The following TBC1D12 variants were observed in gnomAD, a reference collection of about 807,000 sequenced individuals.
TBC1D12 encodes the protein TBC1 domain family, member 12.
Under a neutral mutation model 86.7 loss-of-function variants are expected in TBC1D12, and 56 were observed. The ratio of observed to expected loss-of-function variants is 0.65; its 90% confidence interval spans 0.52 to 0.81. The LOEUF (loss-of-function observed/expected upper bound fraction) is 0.81. TBC1D12 is among the 30% of genes least tolerant of loss of function. The pLI is 0.00. For synonymous variants in TBC1D12, 421 were observed against 411.7 expected (o/e 1.02, Z -0.27); for missense variants, 1,023 against 1,038.8 (o/e 0.98, Z 0.21).
intron 4 of TBC1D12, among the ~76,000 whole-genome samples, chr10:94,496,533 G>T (rs988078994): frequency 2.6e-5 from 4 of 152,150 alleles, no homozygotes; most frequent in African/African-American, 9.7e-5. Context: ...GGAAAAATGG[G>T]TATTGGTTAG....
At chr10:94,425,721 T>C (rs976700470) in intron 1 of TBC1D12, among the ~76,000 whole-genome samples, 2 of 152,224 alleles carry the variant, frequency 1.3e-5, no homozygotes, top group African/African-American at 4.8e-5. Context: ...TAGAATCAAC[T>C]TGTTTTTATT....
intron 3 of TBC1D12, among the ~76,000 whole-genome samples, chr10:94,486,425 T>C (rs1037610058): frequency 5.3e-5 from 8 of 152,102 alleles, no homozygotes; most frequent in African/African-American, 1.9e-4. Flanking sequence ...TCTTTTTTGA[T>C]GTAGGCACCT....
At chr10:94,532,735 C>T (rs1420368800) in intron 12 of TBC1D12, among the ~76,000 whole-genome samples, 1 of 152,150 alleles carries the variant, frequency 6.6e-6, no homozygotes, top group African/African-American at 2.4e-5. Context: ...AGCAGTATCA[C>T]TCAATCCATG....
chr10:94,502,754 A>G (rs2056414715), intron 6 of TBC1D12, among the ~76,000 whole-genome samples: 1 of 152,238 alleles, frequency 6.6e-6, no homozygotes, highest in Non-Finnish European at 1.5e-5. Flanking sequence ...TGTTAATGCT[A>G]GACAATGGCA....
chr10:94,529,771 AG>A (rs1477342281), intron 11 of TBC1D12, among the ~76,000 whole-genome samples: 2 of 152,208 alleles, frequency 1.3e-5, no homozygotes, highest in Admixed American at 6.5e-5. Context: ...AGGAAAAAAA[AG>A]TCCTCCATTG....
chr10:94,445,737 C>T (rs1409178965), intron 2 of TBC1D12, among the ~76,000 whole-genome samples: 2 of 152,052 alleles, frequency 1.3e-5, no homozygotes, highest in Non-Finnish European at 2.9e-5. Context: ...CACCTGAGGT[C>T]AGGAGTTCGA....
At chr10:94,480,271 A>T (rs1271305308) in intron 3 of TBC1D12, among the ~76,000 whole-genome samples, 1 of 152,186 alleles carries the variant, frequency 6.6e-6, no homozygotes, top group East Asian at 1.9e-4. Flanking sequence ...AGTCCTCTCA[A>T]GGGGACCCAT....
At chr10:94,457,797 T>G (rs2055650795) in intron 2 of TBC1D12, among the ~76,000 whole-genome samples, 1 of 152,194 alleles carries the variant, frequency 6.6e-6, no homozygotes, top group African/African-American at 2.4e-5. Context: ...TTATACTTCT[T>G]TTTTTAAAAC....
chr10:94,533,120 G>A lies in TBC1D12; in HGVS notation c.*24G>A. ...AGTCTTCAAAATTGACAGACTAACT[G>A]ACATAGAAAAAGTGGTTTTTGGATA... On this transcript the variant is annotated 3_prime_UTR_variant, in exon 13 of 13. Transcript: ENST00000225235. 1 of 1,505,378 alleles carries A rather than the reference G, an allele frequency of 6.6e-7. No homozygotes were observed. The highest frequency in any genetic ancestry group is 1.3e-5 in the South Asian group (1 of 79,082). The allele number at this position is 1,505,378 out of a possible 1,614,324, so 93.3% of individuals were successfully genotyped here.
chr10:94,522,364 A>G lies in TBC1D12; in HGVS notation c.1911A>G (p.Thr637=), dbSNP rs1434696330. Residue 637 remains threonine (T), a synonymous_variant, in exon 11 of 13, where the codon ACA becomes ACG. Transcript: ENST00000225235. ...DHSMMLKYFA[T]FEVFFEENLS... is the part of the protein sequence containing the mutation. ...TTTAGATGTTGAAATATTTTGCAAC[A>G]TTTGAAGTATTCTTTGAAGAAAATC... 1 of 1,447,178 alleles carries G rather than the reference A, an allele frequency of 6.9e-7. No individual in the cohort carries two copies. The highest frequency in any genetic ancestry group is 2.2e-5 in the Admixed American group (1 of 46,468). 89.6% of individuals were successfully genotyped at this position (1,447,178 alleles called of 1,614,324 possible).
At chr10:94,422,541 TTTC>T (rs1321905818) in intron 1 of TBC1D12, among the ~76,000 whole-genome samples, 1 of 151,718 alleles carries the variant, frequency 6.6e-6, no homozygotes, top group African/African-American at 2.4e-5. Context: ...TTATTTATTT[TTTC>T]TTCTTTTTCT....
At chr10:94,420,664 G>C (rs532172780) in intron 1 of TBC1D12, among the ~76,000 whole-genome samples, 63 of 152,226 alleles carry the variant, frequency 4.1e-4, no homozygotes, top group South Asian at 8.3e-4. Context: ...TGTTTTTAAG[G>C]TTCATTTATA....
intron 1 of TBC1D12, among the ~76,000 whole-genome samples, chr10:94,421,203 C>G (rs1473299259): frequency 2.6e-5 from 4 of 152,102 alleles, no homozygotes; most frequent in African/African-American, 9.7e-5. Context: ...CCCCTGGCCT[C>G]TGGTAACCAC....
intron 2 of TBC1D12, among the ~76,000 whole-genome samples, chr10:94,453,432 C>T (rs2055581826): frequency 6.6e-6 from 1 of 152,096 alleles, no homozygotes; most frequent in Non-Finnish European, 1.5e-5. Context: ...AGAACACATT[C>T]ATATAACTTT....
intron 1 of TBC1D12, among the ~76,000 whole-genome samples, chr10:94,411,575 A>G (rs2054928248): frequency 6.6e-6 from 1 of 152,206 alleles, no homozygotes; most frequent in Non-Finnish European, 1.5e-5. Flanking sequence ...AAATTTAAAA[A>G]TCACCTAAAA....
chr10:94,526,715 A>T (rs1842298343), intron 11 of TBC1D12, among the ~76,000 whole-genome samples: 1 of 152,150 alleles, frequency 6.6e-6, no homozygotes. Context: ...GACCTATCTT[A>T]AACATACTGA....
chr10:94,527,715 G>A (rs1842331242), intron 11 of TBC1D12, among the ~76,000 whole-genome samples: 1 of 152,010 alleles, frequency 6.6e-6, no homozygotes, highest in African/African-American at 2.4e-5. Context: ...TTAGGTCTTT[G>A]ATCCATCTTC....
intron 2 of TBC1D12, among the ~76,000 whole-genome samples, chr10:94,443,842 C>G (rs2055414495): frequency 6.6e-6 from 1 of 152,112 alleles, no homozygotes; most frequent in African/African-American, 2.4e-5. Flanking sequence ...ATGCACAAAG[C>G]CACACATGCC....
intron 9 of TBC1D12, among the ~76,000 whole-genome samples, chr10:94,521,135 G>A (rs529936557): frequency 1.3e-5 from 2 of 151,326 alleles, no homozygotes; most frequent in East Asian, 1.9e-4. Context: ...AGCTGGAGCT[G>A]GGAGGCAGAG....
Sources: gnomAD v4.1 joint callset for allele counts (sites outside exome capture counted in the v4.1 genomes callset) on GRCh38, gnomAD v4.1.1 for gene constraint, MANE v1.5 for transcripts, NCBI Gene and HGNC (gene_info 2026-07-23, HGNC 2026-07-21) for gene names.